ABCC6: variants seen among roughly 807,000 people sequenced by gnomAD.
The protein encoded by ABCC6 is ATP-binding cassette sub-family C member 6.
Under a neutral mutation model 169.5 loss-of-function variants are expected in ABCC6, and 126 were observed. The ratio of observed to expected loss-of-function variants is 0.74; its 90% CI spans 0.64 to 0.86. ABCC6 has a LOEUF of 0.86. Ranked by LOEUF, ABCC6 falls within the 40% of genes least tolerant of loss-of-function variation. ABCC6 has a pLI of 0.00. For synonymous variants in ABCC6, 752 were observed against 814.7 expected, an observed-to-expected ratio of 0.92 and a Z score of 1.31; for missense variants, 1,733 against 1,927.2, an observed-to-expected ratio of 0.90 and a Z score of 1.89.
intron 26 of ABCC6, among the ~76,000 whole-genome samples, chr16:16,158,996 G>T (rs1455790048): frequency 6.6e-6 from 1 of 151,610 alleles, no homozygotes; most frequent in African/African-American, 2.4e-5. Flanking sequence ...TGTTGTGGTT[G>T]TATTGCTGGA....
At chr16:16,154,508 TATTA>T in intron 29 of ABCC6, 116 bp downstream of exon 29, 1 of 1,274,812 alleles carries the variant, frequency 7.8e-7, no homozygotes, top group East Asian at 2.5e-5. Flanking sequence ...GACATGTGGT[TATTA>T]ATGTAACAGA....
chr16:16,162,972 C>T lies in ABCC6; in HGVS notation c.3506+21G>A, dbSNP rs371304221. On this transcript the variant is annotated intron_variant, in intron 24 of 30. Coordinates refer to ENST00000205557, the MANE Select transcript of ABCC6 (RefSeq NM_001171.6). ...GGATATGGATGAATTGCAAGGTCTT[C>T]TCTGCCCTGGCTCTTCCTACCTGTC... The T allele has an allele frequency of 3.8e-4, 618 of 1,613,850 alleles. 1 individual carries two copies. Among genetic ancestry groups the T allele is most frequent in the Admixed American group, 6.0e-4 (36 of 60,008 alleles).
intron 24 of ABCC6, 147 bp downstream of exon 24, chr16:16,162,846 G>A: frequency 9.3e-7 from 1 of 1,074,032 alleles, no homozygotes; most frequent in East Asian, 2.4e-5. Flanking sequence ...TGCCCACGGT[G>A]AGAACTGATA....
At chr16:16,158,769 A>G (rs1167986445) in intron 26 of ABCC6, among the ~76,000 whole-genome samples, 1 of 151,748 alleles carries the variant, frequency 6.6e-6, no homozygotes, top group African/African-American at 2.4e-5. Flanking sequence ...AATTTCAGTT[A>G]TTTTGCTGGA....
Position 16,163,064 on chromosome 16 carries a change from G to C in ABCC6, c.3435C>G (p.Pro1145=), listed in dbSNP as rs1361204493. ...CGCGAGCATTGTTCTGAGCCACAAA[G>C]GGGGCCTGGGTTCGGAATGCCCGGA... ...TVVRAFRTQA[P]FVAQNNARVD... is the part of the protein sequence containing the mutation. The change falls in exon 24 of 31, where the codon CCC becomes CCG. Residue 1145 remains proline, a synonymous_variant. Transcript: ENST00000205557. The C allele has an allele frequency of 7.4e-6, 12 of 1,613,898 alleles. No homozygotes were observed. The highest frequency in any genetic ancestry group is 1.0e-5 in the Non-Finnish European group (12 of 1,180,034).
At chr16:16,156,991 A>G (rs1193795708) in intron 27 of ABCC6, among the ~76,000 whole-genome samples, 2 of 149,054 alleles carry the variant, frequency 1.3e-5, no homozygotes, top group African/African-American at 4.9e-5. Context: ...GGAGCTGGTG[A>G]GACAGGATCC....
At chr16:16,185,509 C>T (rs1351939222) in intron 14 of ABCC6, among the ~76,000 whole-genome samples, 1 of 152,156 alleles carries the variant, frequency 6.6e-6, no homozygotes, top group Non-Finnish European at 1.5e-5. Context: ...CTGTGGCCGG[C>T]ACAGTGTCTC....
At chr16:16,155,927 T>TATTC (rs2046537436) in intron 27 of ABCC6, among the ~76,000 whole-genome samples, 1 of 152,130 alleles carries the variant, frequency 6.6e-6, no homozygotes, top group Non-Finnish European at 1.5e-5. Flanking sequence ...TTTATTTATT[T>TATTC]ATTTTTGAGA....
Position 16,163,140 on chromosome 16 carries a change from T to A in ABCC6, c.3359A>T (p.Tyr1120Phe), listed in dbSNP as rs1239945982. 6.2e-7 allele frequency: 1 copy of A among 1,613,504 alleles called. No individual in the cohort carries two copies. Among genetic ancestry groups the A allele is most frequent in the African/African-American group, 1.3e-5 (1 of 74,866 alleles). ...AGCCATGTGGGAGCAGACAGACGAG[T>A]AGCTGGCTGACTCCAAGCGTCTCAG... ...CQLRRLESAS[Y>F]SSVCSHMAET... Residue 1120 changes from tyrosine to phenylalanine, a missense_variant, in exon 24 of 31, where the codon TAC becomes TTC. Coordinates refer to ENST00000205557, the MANE Select transcript of ABCC6 (RefSeq NM_001171.6).
chr16:16,150,995 G>A (rs1180833610), intron 29 of ABCC6, among the ~76,000 whole-genome samples: 1 of 152,118 alleles, frequency 6.6e-6, no homozygotes, highest in Non-Finnish European at 1.5e-5. Context: ...CAAACCCTTT[G>A]TGCCTCAGTT....
chr16:16,195,303 A>ATTTTTTT (rs61393724), intron 10 of ABCC6, among the ~76,000 whole-genome samples: 1 of 96,574 alleles, frequency 1.0e-5, no homozygotes, highest in Non-Finnish European at 2.0e-5. Flanking sequence ...GTCTCATCTA[A>ATTTTTTT]TTTTTTTTTT....
intron 1 of ABCC6, 106 bp from the exon 2 acceptor site, chr16:16,221,937 A>T: frequency 3.8e-6 from 6 of 1,587,864 alleles, no homozygotes; most frequent in Non-Finnish European, 5.2e-6. Context: ...TTTACACAAA[A>T]ATGTACCAAG....
At chr16:16,166,162 C>T (rs7198216) in intron 22 of ABCC6, among the ~76,000 whole-genome samples, 110,828 of 152,074 alleles carry the variant, frequency 0.73, 42,858 homozygotes, top group South Asian at 0.9. Flanking sequence ...GCGATCCTCC[C>T]GCCTCACCCT....
intron 20 of ABCC6, among the ~76,000 whole-genome samples, chr16:16,175,499 G>A (rs961598197): frequency 6.6e-5 from 10 of 152,164 alleles, no homozygotes; most frequent in Non-Finnish European, 1.0e-4. Context: ...TCTGGCCAGC[G>A]TCAAGTGATG....
intron 19 of ABCC6, among the ~76,000 whole-genome samples, chr16:16,176,244 C>T (rs2047274713): frequency 6.6e-6 from 1 of 152,176 alleles, no homozygotes; most frequent in African/African-American, 2.4e-5. Context: ...CAGCATTTAA[C>T]ACTGTACAAA....
intron 29 of ABCC6, 56 bp from the exon 30 acceptor site, chr16:16,150,828 T>C: frequency 6.3e-7 from 1 of 1,588,958 alleles, no homozygotes; most frequent in Non-Finnish European, 8.6e-7. Context: ...CATGGTGATG[T>C]GTGGGTGTGC....
chr16:16,198,811 T>C (rs991798010), intron 9 of ABCC6, among the ~76,000 whole-genome samples: 1 of 151,570 alleles, frequency 6.6e-6, no homozygotes, highest in African/African-American at 2.4e-5. Flanking sequence ...CTGGCCAACA[T>C]GGTGAAACCC....
rs11866320 is a variant in ABCC6, at chr16:16,173,222, A to G, written c.2787+62T>C. On this transcript the variant is annotated intron_variant, in intron 21 of 30. Coordinates refer to ENST00000205557, the MANE Select transcript of ABCC6 (RefSeq NM_001171.6). Reference sequence around the variant, plus strand: ...CTGCCAAGTGCTACATTTGGTGGGAAGACTTGGGCCCCTGGAGGTGGCAGC... The same window carrying G: ...CTGCCAAGTGCTACATTTGGTGGGAGGACTTGGGCCCCTGGAGGTGGCAGC... The G allele has an allele frequency of 1, 1,602,959 of 1,609,318 alleles. 798,520 individuals carry two copies. Among genetic ancestry groups the G allele is most frequent in the East Asian group, 1 (44,772 of 44,772 alleles).
chr16:16,170,778 G>C (rs528316965), intron 21 of ABCC6, among the ~76,000 whole-genome samples: 1 of 151,786 alleles, frequency 6.6e-6, no homozygotes, highest in South Asian at 2.1e-4. Flanking sequence ...AATTAGCCAC[G>C]TGTGGTGGCA....
Sources: allele counts gnomAD v4.1 joint callset (sites outside exome capture counted in the v4.1 genomes callset), GRCh38; gene constraint gnomAD v4.1.1; transcripts MANE v1.5; gene names NCBI Gene and HGNC (gene_info 2026-07-23, HGNC 2026-07-21).